HTRA3: variants seen among roughly 807,000 people sequenced by gnomAD.
The protein encoded by HTRA3 is serine protease HTRA3.
A neutral mutation model predicts 43.2 loss-of-function variants in HTRA3; 41 were observed. The ratio of observed to expected loss-of-function variants is 0.95; its 90% CI spans 0.74 to 1.23. The LOEUF is 1.23. HTRA3 is among the 50% of genes most tolerant of loss of function. HTRA3 has a pLI of 0.00. For missense variants in HTRA3, 628 were observed against 647.1 expected (o/e 0.97, Z 0.32); for synonymous variants, 295 against 287.9 (o/e 1.02, Z -0.25).
chr4:8,288,343 G>A (rs1429490183), intron 3 of HTRA3, among the ~76,000 whole-genome samples: 3 of 151,742 alleles, frequency 2.0e-5, no homozygotes, highest in African/African-American at 4.8e-5. Context: ...GCGTCATCTC[G>A]GCTCACCACA....
intron 1 of HTRA3, among the ~76,000 whole-genome samples, chr4:8,270,628 G>A (rs964706501): frequency 6.6e-6 from 1 of 152,226 alleles, no homozygotes; most frequent in East Asian, 1.9e-4. Context: ...TCCAGCTCTG[G>A]TCTCTTCAGA....
chr4:8,283,598 C>A (rs1249407105), intron 2 of HTRA3, among the ~76,000 whole-genome samples: 1 of 152,244 alleles, frequency 6.6e-6, no homozygotes, highest in African/African-American at 2.4e-5. Context: ...CTTTGCTGGC[C>A]CTTTGGTCCC....
In HTRA3 at chr4:8,306,115, C is replaced by T. The variant is rs147548625; in HGVS notation, c.1341C>T (p.Ile447=). The part of the protein sequence containing the change: ...RRGNDDLLFS[I]APEVVM ...GGAACGACGACCTCCTCTTCAGCAT[C>T]GCACCTGAGGTGGTCATGTGAGGGG... Residue 447 remains isoleucine, a synonymous_variant, in exon 9 of 9, where the codon ATC becomes ATT. Coordinates refer to ENST00000307358, the MANE Select transcript of HTRA3 (RefSeq NM_053044.5). The surrounding 1 kb of genome is among the most constrained non-coding windows in gnomAD (Gnocchi z 8.9). 1.2e-5 allele frequency: 19 copies of T among 1,598,976 alleles called. No homozygotes were observed. Among genetic ancestry groups the T allele is most frequent in the African/African-American group, 9.4e-5 (7 of 74,692 alleles).
chr4:8,300,827 C>T (rs115225796), intron 6 of HTRA3, among the ~76,000 whole-genome samples: 2,886 of 151,616 alleles, frequency 0.019, 38 homozygotes, highest in Middle Eastern at 0.066. Flanking sequence ...TTGATTCACA[C>T]TCTTATTAGA....
intron 7 of HTRA3, among the ~76,000 whole-genome samples, chr4:8,303,583 A>T (rs182733199): frequency 1.3e-5 from 2 of 152,342 alleles, no homozygotes; most frequent in Admixed American, 1.3e-4. Flanking sequence ...TAAAGCTGTC[A>T]TTCCTCCTGT....
Position 8,294,033 on chromosome 4 carries a change from C to T in HTRA3, c.937-54C>T, listed in dbSNP as rs1165739594. On this transcript the variant is annotated intron_variant, in intron 5 of 8. Coordinates refer to ENST00000307358, the MANE Select transcript of HTRA3 (RefSeq NM_053044.5). ...AGCTGTGGACACAGTGCTTTGTGGG[C>T]AGGGGTTTGCCTGGGTTCCCCCAAC... is the stretch of plus-strand genomic sequence containing the variant. The T allele has an allele frequency of 5.9e-6, 7 of 1,192,076 alleles. No individual in the cohort carries two copies. The Admixed American group carries it at 1.2e-4, about 20-fold the overall frequency. The allele number at this position is 1,192,076 out of a possible 1,614,324, so 73.8% of individuals were successfully genotyped here.
chr4:8,271,929 C>T (rs1254186993), intron 1 of HTRA3, among the ~76,000 whole-genome samples: 1 of 152,174 alleles, frequency 6.6e-6, no homozygotes, highest in African/African-American at 2.4e-5. Context: ...TGAGACTGCC[C>T]AGGAGGCTGA....
chr4:8,290,874 C>T (rs1030535343), intron 3 of HTRA3, among the ~76,000 whole-genome samples: 10 of 152,182 alleles, frequency 6.6e-5, no homozygotes, highest in Non-Finnish European at 8.8e-5. Context: ...TGAGTTCCCC[C>T]GTGTGTCTCT....
intron 1 of HTRA3, among the ~76,000 whole-genome samples, chr4:8,274,448 C>T (rs1452061162): frequency 6.6e-6 from 1 of 152,266 alleles, no homozygotes; most frequent in Non-Finnish European, 1.5e-5. Flanking sequence ...CCATCTCCTC[C>T]AGGCTCGAAG....
At chr4:8,285,799 T>A (rs1312348504) in intron 2 of HTRA3, among the ~76,000 whole-genome samples, 1 of 152,234 alleles carries the variant, frequency 6.6e-6, no homozygotes, top group Non-Finnish European at 1.5e-5. Context: ...GCCTCATCTG[T>A]GCCTCTGCAC....
chr4:8,301,898 ACT>A lies in HTRA3; in HGVS notation c.1052-562_1052-561del, dbSNP rs534370669. ...TAAAATGAAAATTCTAAATTTATTGACTCTTGTTTATTTCTGGATCTGAGACA... is the reference window on the plus strand; with the variant it reads ...TAAAATGAAAATTCTAAATTTATTGACTTGTTTATTTCTGGATCTGAGACA... On this transcript the variant is annotated intron_variant, in intron 6 of 8. Transcript: ENST00000307358. Among the ~76,000 whole-genome samples the A allele has an allele frequency of 2.1e-3, 327 of 152,260 alleles. 1 individual carries two copies. The highest frequency in any genetic ancestry group is 7.5e-3 in the African/African-American group (312 of 41,540).
rs757071965 is a variant in HTRA3 at position 8,286,513 on chromosome 4, G to A, written c.486-48G>A. ...CCCCACCACTGCGCCTGACTCCCCC[G>A]CGTCCTAGCCCCACCCTAAATGCCC... On this transcript the variant is annotated intron_variant, in intron 2 of 8. Coordinates refer to ENST00000307358, the MANE Select transcript of HTRA3 (RefSeq NM_053044.5). The surrounding 1 kb of genome is among the most constrained non-coding windows in gnomAD (Gnocchi z 4.9). 9.8e-6 allele frequency: 15 copies of A among 1,530,474 alleles called. No homozygotes were observed. The highest frequency in any genetic ancestry group is 2.3e-5 in the East Asian group (1 of 44,396). 94.8% of individuals were successfully genotyped at this position (1,530,474 alleles called of 1,614,324 possible). A position where few individuals can be genotyped will look rare whatever the true frequency, so the allele number is the denominator to read the frequency against.
rs1371005408 is a variant in HTRA3 at position 8,297,809 on chromosome 4, G to A, written c.1051+3608G>A. Among the ~76,000 whole-genome samples, 1 of 152,132 alleles carries A rather than the reference G, an allele frequency of 6.6e-6. No individual in the cohort carries two copies. Among genetic ancestry groups the A allele is most frequent in the Non-Finnish European group, 1.5e-5 (1 of 68,014 alleles). ...CTCCAGCCTGGCCCCTCCTGCTCCAGGCTCAGACGCGCAGCTGCTTGTGGG... is the reference window on the plus strand; with the variant it reads ...CTCCAGCCTGGCCCCTCCTGCTCCAAGCTCAGACGCGCAGCTGCTTGTGGG... On this transcript the variant is annotated intron_variant, in intron 6 of 8. Coordinates refer to ENST00000307358, the MANE Select transcript of HTRA3 (RefSeq NM_053044.5). This position sits in a 1 kb window ranked among gnomAD's most constrained non-coding sequence, Gnocchi z 5.8.
chr4:8,290,228 G>A (rs1235505505), intron 3 of HTRA3, among the ~76,000 whole-genome samples: 1 of 152,214 alleles, frequency 6.6e-6, no homozygotes, highest in Admixed American at 6.5e-5. Flanking sequence ...AAGGGCTCCC[G>A]TAATCCTGTG....
chr4:8,288,467 G>T (rs1401585631), intron 3 of HTRA3, among the ~76,000 whole-genome samples: 1 of 151,942 alleles, frequency 6.6e-6, no homozygotes, highest in African/African-American at 2.4e-5. Flanking sequence ...TAGAGACGGG[G>T]TTTCTCCATG....
intron 3 of HTRA3, among the ~76,000 whole-genome samples, chr4:8,289,986 G>A (rs1440835832): frequency 6.6e-6 from 1 of 152,062 alleles, no homozygotes; most frequent in Non-Finnish European, 1.5e-5. Flanking sequence ...CTCCTTGGGT[G>A]CAGGGAGGAC....
chr4:8,285,901 G>A (rs1229710823), intron 2 of HTRA3, among the ~76,000 whole-genome samples: 2 of 152,344 alleles, frequency 1.3e-5, no homozygotes, highest in African/African-American at 4.8e-5. Context: ...GCCTGGGGGT[G>A]AGGGTAGAGG....
intron 8 of HTRA3, 72 bp from the exon 9 acceptor site, chr4:8,305,899 G>T: frequency 6.4e-7 from 1 of 1,561,286 alleles, no homozygotes; most frequent in Non-Finnish European, 8.8e-7. Flanking sequence ...ACTGTGCCTC[G>T]CTCTGGGCCG....
At chr4:8,288,492 C>A (rs1713085709) in intron 3 of HTRA3, among the ~76,000 whole-genome samples, 1 of 151,624 alleles carries the variant, frequency 6.6e-6, no homozygotes, top group African/African-American at 2.4e-5. Context: ...TCAGGCTGGT[C>A]TTGAACTCCC....
Sources: allele counts gnomAD v4.1 joint callset (sites outside exome capture counted in the v4.1 genomes callset), GRCh38; gene constraint gnomAD v4.1.1; non-coding constraint Gnocchi (gnomAD v3.1); transcripts MANE v1.5; gene names NCBI Gene and HGNC (gene_info 2026-07-23, HGNC 2026-07-21).